ADGRL3: variants seen among roughly 807,000 people sequenced by gnomAD.
The protein encoded by ADGRL3 is calcium-independent alpha-latrotoxin receptor 3.
A neutral mutation model predicts 153.5 loss-of-function variants in ADGRL3; 62 were observed. That is an observed-to-expected ratio of 0.40 (90% CI 0.33 to 0.50). ADGRL3 has a LOEUF of 0.50. ADGRL3 is among the 20% of genes least tolerant of loss of function. ADGRL3 has a pLI of 0.47. For synonymous variants in ADGRL3, 710 were observed against 672.5 expected, an observed-to-expected ratio of 1.06 and a Z score of -0.86; for missense variants, 1,641 against 1,859.4, an observed-to-expected ratio of 0.88 and a Z score of 2.16.
intron 26 of ADGRL3, among the ~76,000 whole-genome samples, chr4:62,069,358 C>CT (rs1335622767): frequency 6.6e-6 from 1 of 151,968 alleles, no homozygotes; most frequent in African/African-American, 2.4e-5. Flanking sequence ...AAAAAAATCT[C>CT]TGATGGGATG....
intron 17 of ADGRL3, among the ~76,000 whole-genome samples, chr4:61,974,787 C>T (rs1039439633): frequency 3.3e-5 from 5 of 152,306 alleles, no homozygotes; most frequent in East Asian, 1.9e-4. Context: ...TCGTTTGACA[C>T]GCTGACATTA....
At chr4:61,235,625 T>A (rs1386002662) in intron 1 of ADGRL3, among the ~76,000 whole-genome samples, 3 of 152,138 alleles carry the variant, frequency 2.0e-5, no homozygotes, top group African/African-American at 4.8e-5. Context: ...GAAAGAATAA[T>A]GCATCACTCA....
chr4:61,282,580 GT>G (rs2093766136), intron 1 of ADGRL3, among the ~76,000 whole-genome samples: 1 of 151,822 alleles, frequency 6.6e-6, no homozygotes, highest in South Asian at 2.1e-4. Context: ...AACATTTTGA[GT>G]TTTTTTAGTC....
At chr4:61,229,354 T>C (rs1035551215) in intron 1 of ADGRL3, among the ~76,000 whole-genome samples, 2 of 152,232 alleles carry the variant, frequency 1.3e-5, no homozygotes, top group Non-Finnish European at 2.9e-5. Context: ...AACTTGTAAA[T>C]AATTATTAAT....
Position 61,517,463 on chromosome 4 carries a change from A to T in ADGRL3, c.204A>T (p.Gly68=), listed in dbSNP as rs1213549287. Residue 68 remains glycine (G), a synonymous_variant, in exon 4 of 27, where the codon GGA becomes GGT. Transcript: ENST00000683033. ...TAAHRGQGPR[G]ATRGVRGPGA... ...CTCATCGTGGACAAGGGCCCCGTGG[A>T]GCTACCAGAGGAGTTCGCGGTCCAG... The T allele has an allele frequency of 3.8e-6, 3 of 786,044 alleles. No homozygotes were observed. Among genetic ancestry groups the T allele is most frequent in the African/African-American group, 1.7e-5 (1 of 58,778 alleles). The allele number at this position is 786,044 out of a possible 1,614,324, so 48.7% of individuals were successfully genotyped here. A position where few individuals can be genotyped will look rare whatever the true frequency, so the allele number is the denominator to read the frequency against.
chr4:61,496,920 G>A (rs1199658571), intron 2 of ADGRL3, among the ~76,000 whole-genome samples: 3 of 144,318 alleles, frequency 2.1e-5, no homozygotes, highest in Non-Finnish European at 3.0e-5. Flanking sequence ...CAGCCGGGGC[G>A]ACAGAGCGAG....
chr4:61,680,473 AG>A (rs1335781517), intron 6 of ADGRL3, among the ~76,000 whole-genome samples: 1 of 146,498 alleles, frequency 6.8e-6, no homozygotes, highest in African/African-American at 2.6e-5. Flanking sequence ...TTCATTTTTA[AG>A]GTGAGACTTT....
intron 1 of ADGRL3, among the ~76,000 whole-genome samples, chr4:61,258,038 C>G (rs1258923912): frequency 8.5e-5 from 13 of 152,142 alleles, no homozygotes; most frequent in Admixed American, 8.5e-4. Context: ...CTACCAGCCC[C>G]CATCTTCCTC....
chr4:61,378,509 C>T (rs1314687705), intron 1 of ADGRL3, among the ~76,000 whole-genome samples: 2 of 151,832 alleles, frequency 1.3e-5, no homozygotes, highest in Non-Finnish European at 2.9e-5. Flanking sequence ...CTAATTTTTT[C>T]GGAGGATGAG....
chr4:61,250,849 G>A (rs1758949061), intron 1 of ADGRL3, among the ~76,000 whole-genome samples: 2 of 151,920 alleles, frequency 1.3e-5, no homozygotes, highest in African/African-American at 4.8e-5. Context: ...CTGTAAAATG[G>A]GAATATTTAT....
chr4:61,228,989 G>A (rs1326158280), intron 1 of ADGRL3, among the ~76,000 whole-genome samples: 1 of 152,120 alleles, frequency 6.6e-6, no homozygotes. Flanking sequence ...ACCACACCTG[G>A]CCTCTTATTT....
chr4:61,417,645 CCTT>C (rs1363123245), intron 2 of ADGRL3, among the ~76,000 whole-genome samples: 1 of 148,304 alleles, frequency 6.7e-6, no homozygotes. Context: ...TTTAGAAAAA[CCTT>C]CTTTAACGTT....
chr4:61,766,812 A>G (rs2096987657), intron 8 of ADGRL3, among the ~76,000 whole-genome samples: 1 of 151,956 alleles, frequency 6.6e-6, no homozygotes. Flanking sequence ...TGGGTTGTAG[A>G]GGCAGGTATT....
rs1483867766 is a variant in ADGRL3, at chr4:61,200,758, G to A, written c.-1247G>A. On this transcript the variant is annotated 5_prime_UTR_variant, in exon 1 of 27. Coordinates refer to ENST00000683033, the MANE Select transcript of ADGRL3 (RefSeq NM_001387552.1). ...GAGCGCCAGTGCCTCGCTCGCTCTT[G>A]GGGAGTCGAAGAAGAGAAAGAACCG... Among the ~76,000 whole-genome samples the A allele has an allele frequency of 1.3e-5, 2 of 152,114 alleles. No individual in the cohort carries two copies. Among genetic ancestry groups the A allele is most frequent in the African/African-American group, 4.8e-5 (2 of 41,420 alleles).
chr4:61,751,152 A>G (rs6811641), intron 8 of ADGRL3, among the ~76,000 whole-genome samples: 13,223 of 152,242 alleles, frequency 0.087, 1,222 homozygotes, highest in African/African-American at 0.23. Flanking sequence ...ATGATCTGAG[A>G]TGAAACAGTT....
chr4:61,371,501 G>T (rs934987613), intron 1 of ADGRL3, among the ~76,000 whole-genome samples: 1 of 151,166 alleles, frequency 6.6e-6, no homozygotes, highest in South Asian at 2.1e-4. Context: ...GCTTAGTTTG[G>T]CTGGATATGA....
At chr4:61,316,431 G>C (rs1017247287) in intron 1 of ADGRL3, among the ~76,000 whole-genome samples, 2 of 152,044 alleles carry the variant, frequency 1.3e-5, no homozygotes, top group Non-Finnish European at 2.9e-5. Context: ...AAATTAGGTT[G>C]GTCAAAAGTA....
intron 2 of ADGRL3, among the ~76,000 whole-genome samples, chr4:61,446,796 T>TA (rs1426716980): frequency 3.9e-5 from 6 of 152,306 alleles, no homozygotes; most frequent in Admixed American, 3.9e-4. Context: ...AGTAGGTGTT[T>TA]AAAAAATGCT....
intron 5 of ADGRL3, among the ~76,000 whole-genome samples, chr4:61,671,491 C>G (rs1260751213): frequency 6.6e-6 from 1 of 152,110 alleles, no homozygotes; most frequent in Non-Finnish European, 1.5e-5. Context: ...GTGACAGTTA[C>G]ATGTAAATCG....
Sources: allele counts gnomAD v4.1 joint callset (sites outside exome capture counted in the v4.1 genomes callset), GRCh38; gene constraint gnomAD v4.1.1; transcripts MANE v1.5; gene names NCBI Gene and HGNC (gene_info 2026-07-23, HGNC 2026-07-21).